Variants in BIN3 observed in about 807,000 individuals in gnomAD.
BIN3 encodes bridging integrator 3.
A neutral mutation model predicts 38.2 loss-of-function variants in BIN3; 41 were observed. That is an observed-to-expected ratio of 1.07 (90% CI 0.84 to 1.39). The LOEUF is 1.39. BIN3 is among the 40% of genes most tolerant of loss of function. BIN3 has a pLI of 0.00. For missense variants in BIN3, 361 were observed against 324.3 expected, an observed-to-expected ratio of 1.11 and a Z score of -0.87; for synonymous variants, 145 against 122.6, an observed-to-expected ratio of 1.18 and a Z score of -1.21.
chr8:22,644,139 T>A (rs1159962820), intron 2 of BIN3, among the ~76,000 whole-genome samples: 1 of 152,264 alleles, frequency 6.6e-6, no homozygotes, highest in Non-Finnish European at 1.5e-5. Context: ...TTGGACTAGA[T>A]GGTCTCTATG....
intron 1 of BIN3, among the ~76,000 whole-genome samples, chr8:22,661,286 G>A (rs1585205914): frequency 6.7e-6 from 1 of 148,724 alleles, no homozygotes. Flanking sequence ...AAGTCCATAT[G>A]CAAAATATAG....
intron 1 of BIN3, among the ~76,000 whole-genome samples, chr8:22,668,716 G>A (rs935578339): frequency 3.3e-5 from 5 of 152,202 alleles, no homozygotes; most frequent in African/African-American, 1.2e-4. Flanking sequence ...AGACGACACT[G>A]ACTCCACCTC....
In BIN3 at chr8:22,636,945, T is replaced by C; in HGVS notation, c.75A>G (p.Glu25=). ...IVPKTVERDF[E]REYGKLQQLE... The stretch of plus-strand genomic sequence containing the variant: ...ACTGCTGAAGTTTTCCATACTCCCT[T>C]TCAAAGTCTCTCTCCACCTGAAACG... The change falls in exon 3 of 9, where the codon GAA becomes GAG. Residue 25 remains glutamate, a synonymous_variant. Transcript: ENST00000276416. 1.2e-6 allele frequency: 2 copies of C among 1,613,366 alleles called. No individual in the cohort carries two copies. The highest frequency in any genetic ancestry group is 1.7e-6 in the Non-Finnish European group (2 of 1,179,408).
chr8:22,638,743 A>C (rs369291475), intron 2 of BIN3, among the ~76,000 whole-genome samples: 12 of 152,298 alleles, frequency 7.9e-5, no homozygotes, highest in African/African-American at 2.9e-4. Context: ...TCTTTTCCTT[A>C]CTTTATGATC....
chr8:22,625,301 CTA>C (rs1450634299), intron 6 of BIN3: 1 of 702,246 alleles, frequency 1.4e-6, no homozygotes, highest in Middle Eastern at 2.4e-4. Context: ...CAGGGGGCGT[CTA>C]CCAGGCAAGC....
intron 1 of BIN3, among the ~76,000 whole-genome samples, chr8:22,651,519 A>G (rs1215007509): frequency 1.3e-5 from 2 of 152,172 alleles, no homozygotes; most frequent in Admixed American, 6.5e-5. Context: ...GTGGGAGGTC[A>G]CTTTTGAGAC....
In BIN3 at chr8:22,621,409, G is replaced by T; in HGVS notation, c.*13C>A. 3.7e-6 allele frequency: 6 copies of T among 1,610,458 alleles called. No individual in the cohort carries two copies. The highest frequency in any genetic ancestry group is 5.1e-6 in the Non-Finnish European group (6 of 1,178,410). ...TGACCACGTCACAGGAGTCCTCCAAGAGTGACGGGGATTCAGTCATCGGCC... is the reference window on the plus strand; with the variant it reads ...TGACCACGTCACAGGAGTCCTCCAATAGTGACGGGGATTCAGTCATCGGCC... On this transcript the variant is annotated 3_prime_UTR_variant, in exon 9 of 9. Transcript: ENST00000276416.
chr8:22,640,033 C>T (rs1045921177), intron 2 of BIN3, among the ~76,000 whole-genome samples: 1 of 149,824 alleles, frequency 6.7e-6, no homozygotes, highest in African/African-American at 2.5e-5. Context: ...GGCTAATTTT[C>T]GTGTTTTTAG....
At chr8:22,634,507 A>G (rs1802306341) in intron 4 of BIN3, 1 of 456,182 alleles carries the variant, frequency 2.2e-6, no homozygotes, top group Non-Finnish European at 4.4e-6. Context: ...CACATCAGTA[A>G]CTGGCTGAGG....
chr8:22,640,630 G>C (rs553390126), intron 2 of BIN3, among the ~76,000 whole-genome samples: 1 of 152,178 alleles, frequency 6.6e-6, no homozygotes, highest in Non-Finnish European at 1.5e-5. Context: ...AGAACACACA[G>C]GGGGCGCTCT....
At chr8:22,641,308 T>C (rs1415200186) in intron 2 of BIN3, among the ~76,000 whole-genome samples, 5 of 152,164 alleles carry the variant, frequency 3.3e-5, no homozygotes, top group Non-Finnish European at 5.9e-5. Context: ...GGCCACCCCC[T>C]GCATTCATTC....
chr8:22,630,357 C>G (rs777138191), intron 5 of BIN3, 85 bp downstream of exon 5: 186 of 1,542,840 alleles, frequency 1.2e-4, no homozygotes, highest in Non-Finnish European at 1.6e-4. Flanking sequence ...AGAGGGAGCC[C>G]ACTCGGGCCT....
intron 4 of BIN3, among the ~76,000 whole-genome samples, chr8:22,631,225 T>C (rs1324489162): frequency 6.6e-6 from 1 of 151,998 alleles, no homozygotes; most frequent in East Asian, 1.9e-4. Flanking sequence ...CAATATCCAG[T>C]AGGAAGAGAT....
At chr8:22,642,958 C>G (rs192334820) in intron 2 of BIN3, among the ~76,000 whole-genome samples, 2 of 152,332 alleles carry the variant, frequency 1.3e-5, no homozygotes, top group Admixed American at 1.3e-4. Context: ...CCTTGCCACT[C>G]CTTAGATCAA....
intron 1 of BIN3, 64 bp downstream of exon 1, chr8:22,668,980 C>T: frequency 6.4e-7 from 1 of 1,551,250 alleles, no homozygotes. Flanking sequence ...GCGGCACTGA[C>T]ACAGGGCCAG....
chr8:22,629,778 C>T (rs1235678017), intron 6 of BIN3, 186 bp downstream of exon 6: 6 of 637,452 alleles, frequency 9.4e-6, no homozygotes, highest in African/African-American at 9.2e-5. Flanking sequence ...CATGTGGGTA[C>T]TCTGGAGCCC....
intron 1 of BIN3, among the ~76,000 whole-genome samples, chr8:22,646,667 A>G (rs1802722837): frequency 6.6e-6 from 1 of 152,250 alleles, no homozygotes; most frequent in Non-Finnish European, 1.5e-5. Flanking sequence ...TTCTGACTAC[A>G]TAATAACCAG....
At chr8:22,649,559 G>A (rs1802816979) in intron 1 of BIN3, among the ~76,000 whole-genome samples, 1 of 152,034 alleles carries the variant, frequency 6.6e-6, no homozygotes, top group South Asian at 2.1e-4. Flanking sequence ...TTTCAGTGTT[G>A]CTATTTATAT....
At chr8:22,665,532 T>G (rs1419854901) in intron 1 of BIN3, among the ~76,000 whole-genome samples, 1 of 152,110 alleles carries the variant, frequency 6.6e-6, no homozygotes, top group Non-Finnish European at 1.5e-5. Flanking sequence ...GGGAAGACCC[T>G]CAGAGAAGGT....
Sources: gnomAD v4.1 joint callset for allele counts (sites outside exome capture counted in the v4.1 genomes callset) on GRCh38, gnomAD v4.1.1 for gene constraint, MANE v1.5 for transcripts, NCBI Gene and HGNC (gene_info 2026-07-23, HGNC 2026-07-21) for gene names.